ADGRL2: variants seen among roughly 807,000 people sequenced by gnomAD.
ADGRL2 encodes the protein adhesion G protein-coupled receptor L2.
ADGRL2 carries 44 observed loss-of-function variants against 157.4 expected under a neutral mutation model. That is an observed-to-expected ratio of 0.28 (90% CI 0.22 to 0.36). The LOEUF (loss-of-function observed/expected upper bound fraction) is 0.36. ADGRL2 is among the 10% of genes least tolerant of loss of function. The probability of loss-of-function intolerance (pLI) is 1.00; values close to 1 mark genes in which losing one functional copy is unlikely to be tolerated. For missense variants in ADGRL2, 1,510 were observed against 1,768.9 expected (o/e 0.85, Z 2.63); for synonymous variants, 585 against 624.7 (o/e 0.94, Z 0.95).
In ADGRL2 at chr1:81,629,984, G is replaced by A. The variant is rs181411044; in HGVS notation, c.-143+49004G>A. Among the ~76,000 whole-genome samples the A allele has an allele frequency of 1.1e-3, 161 of 151,444 alleles. 1 individual carries two copies. The highest frequency in any genetic ancestry group is 3.7e-3 in the African/African-American group (153 of 41,208). On this transcript the variant is annotated intron_variant, in intron 3 of 24. Coordinates refer to the ADGRL2 transcript ENST00000370721. Reference sequence around the variant, plus strand: ...AAACTTTGGAAAACTGTGTGTGTGCGTACATATCCATATGTATATATGAAT... The same window carrying A: ...AAACTTTGGAAAACTGTGTGTGTGCATACATATCCATATGTATATATGAAT...
At chr1:81,980,934 T>C (rs1661489635) in intron 18 of ADGRL2, 1 of 544,414 alleles carries the variant, frequency 1.8e-6, no homozygotes, top group East Asian at 2.9e-5. Context: ...TTTATAATTA[T>C]TTTGAAATAT....
chr1:81,693,352 C>T (rs777739106), intron 3 of ADGRL2, among the ~76,000 whole-genome samples: 1 of 152,212 alleles, frequency 6.6e-6, no homozygotes, highest in Non-Finnish European at 1.5e-5. Flanking sequence ...CCTCCCTCCT[C>T]TCCCTCAACC....
intron 2 of ADGRL2, among the ~76,000 whole-genome samples, chr1:81,523,888 C>A (rs954654519): frequency 6.6e-6 from 1 of 151,658 alleles, no homozygotes; most frequent in African/African-American, 2.4e-5. Context: ...ATAGTGAAAC[C>A]TCGTCTCTAC....
At chr1:81,663,900 G>A (rs1048780835) in intron 3 of ADGRL2, among the ~76,000 whole-genome samples, 2 of 152,132 alleles carry the variant, frequency 1.3e-5, no homozygotes, top group African/African-American at 4.8e-5. Context: ...TAGATATGGT[G>A]GATAAAGGCT....
chr1:81,552,120 T>C (rs1352446801), intron 2 of ADGRL2, among the ~76,000 whole-genome samples: 1 of 152,166 alleles, frequency 6.6e-6, no homozygotes, highest in Non-Finnish European at 1.5e-5. Flanking sequence ...TAGATGAGTG[T>C]GCAGGTTCAA....
chr1:81,306,358 A>G (rs1570572990), exon 1 of ADGRL2: 1 of 152,292 alleles, frequency 6.6e-6, no homozygotes, highest in Admixed American at 6.5e-5. Context: ...ACTCGTTCAC[A>G]GCCGCTCCTC....
At chr1:81,868,789 TG>T (rs143337236) in intron 2 of ADGRL2, among the ~76,000 whole-genome samples, 2,824 of 152,136 alleles carry the variant, frequency 0.019, 75 homozygotes, top group African/African-American at 0.065. Context: ...ACATCTTTTT[TG>T]GGGGGAAAGG....
At chr1:81,754,885 C>A (rs548855413) in intron 1 of ADGRL2, among the ~76,000 whole-genome samples, 1 of 151,824 alleles carries the variant, frequency 6.6e-6, no homozygotes, top group African/African-American at 2.4e-5. Context: ...TTTAATGAGA[C>A]AACGCATGTT....
In ADGRL2 at chr1:81,993,058, CATATATATATATATATAT is replaced by C. The variant is rs201201668; in HGVS notation, c.*1926_*1943del. Reference sequence around the variant, plus strand: ...AAATTAAGTGCATATATATAATATACATATATATATATATATATATATATATATATTTTTTTTTTTTTT... The same window carrying C: ...AAATTAAGTGCATATATATAATATACATATATATATATTTTTTTTTTTTTT... On this transcript the variant is annotated 3_prime_UTR_variant, in exon 24 of 24. Coordinates refer to ENST00000686636, the MANE Select transcript of ADGRL2 (RefSeq NM_001366006.2). 4.2e-4 allele frequency among the ~76,000 whole-genome samples: 17 copies of C among 40,854 alleles called. No individual in the cohort carries two copies. The highest frequency in any genetic ancestry group is 1.7e-3 in the Admixed American group (4 of 2,330). The allele number at this position is 40,854 out of a possible 152,430, so 26.8% of individuals were successfully genotyped here.
At chr1:81,522,692 A>C (rs2079350478) in intron 2 of ADGRL2, among the ~76,000 whole-genome samples, 1 of 152,242 alleles carries the variant, frequency 6.6e-6, no homozygotes, top group Non-Finnish European at 1.5e-5. Context: ...ACAACATTGA[A>C]AATTATTTAA....
intron 2 of ADGRL2, among the ~76,000 whole-genome samples, chr1:81,842,321 C>A (rs1321547826): frequency 9.4e-6 from 1 of 106,808 alleles, no homozygotes; most frequent in Non-Finnish European, 2.0e-5. Flanking sequence ...TAATTTTAGT[C>A]TTCAGAAAAG....
chr1:81,974,788 A>AT (rs1330630158), intron 17 of ADGRL2, among the ~76,000 whole-genome samples: 1 of 151,974 alleles, frequency 6.6e-6, no homozygotes, highest in East Asian at 1.9e-4. Context: ...CTTTCTTAAA[A>AT]TTTCTTTGTA....
intron 1 of ADGRL2, among the ~76,000 whole-genome samples, chr1:81,712,682 A>G (rs2083969422): frequency 6.6e-6 from 1 of 151,356 alleles, no homozygotes. Context: ...AGGCAGAGTT[A>G]TATTAGGTGT....
At chr1:81,705,916 A>C (rs541553880) in intron 1 of ADGRL2, among the ~76,000 whole-genome samples, 1 of 151,982 alleles carries the variant, frequency 6.6e-6, no homozygotes, top group Admixed American at 6.5e-5. Flanking sequence ...ATCTTTAAAA[A>C]CAAAAATTTT....
At chr1:81,723,262 C>T (rs374705771) in intron 1 of ADGRL2, among the ~76,000 whole-genome samples, 3 of 152,146 alleles carry the variant, frequency 2.0e-5, no homozygotes, top group African/African-American at 7.2e-5. Context: ...TTAGGGTATT[C>T]ATTCAGATAA....
At chr1:81,669,680 C>T (rs1050167607) in intron 3 of ADGRL2, among the ~76,000 whole-genome samples, 4 of 152,058 alleles carry the variant, frequency 2.6e-5, no homozygotes, top group African/African-American at 9.7e-5. Flanking sequence ...TGGTGGTGCA[C>T]ACCTGTAATC....
At chr1:81,825,249 C>T (rs2091363147) in intron 1 of ADGRL2, among the ~76,000 whole-genome samples, 1 of 152,056 alleles carries the variant, frequency 6.6e-6, no homozygotes, top group Admixed American at 6.5e-5. Flanking sequence ...CTGTGGTCCC[C>T]ACTCTCAGGA....
intron 3 of ADGRL2, among the ~76,000 whole-genome samples, chr1:81,915,255 T>A (rs1457826739): frequency 6.6e-6 from 1 of 152,078 alleles, no homozygotes; most frequent in Non-Finnish European, 1.5e-5. Context: ...TTTGAAAAGT[T>A]TTTTTACAGA....
intron 2 of ADGRL2, among the ~76,000 whole-genome samples, chr1:81,541,302 C>G (rs1027588179): frequency 6.6e-6 from 1 of 152,186 alleles, no homozygotes; most frequent in Non-Finnish European, 1.5e-5. Context: ...CAACCAATGT[C>G]CAAATGGACA....
Sources: gnomAD v4.1 joint callset for allele counts (sites outside exome capture counted in the v4.1 genomes callset) on GRCh38, gnomAD v4.1.1 for gene constraint, MANE v1.5 for transcripts, NCBI Gene and HGNC (gene_info 2026-07-23, HGNC 2026-07-21) for gene names.